Variants in PCDHGA9 observed in about 807,000 individuals in gnomAD.
The protein encoded by PCDHGA9 is protocadherin gamma-A9.
In PCDHGA9, 37 loss-of-function variants were observed where a neutral mutation model predicts 62.5. The observed-to-expected ratio is 0.59, with a 90% CI of 0.46 to 0.78. The LOEUF (loss-of-function observed/expected upper bound fraction) is 0.78, where lower values mean the gene tolerates loss of function less well. PCDHGA9 is among the 30% of genes least tolerant of loss of function. The pLI is 0.00. For synonymous variants in PCDHGA9, 459 were observed against 484.6 expected, an observed-to-expected ratio of 0.95 and a Z score of 0.69; for missense variants, 1,138 against 1,166.2, an observed-to-expected ratio of 0.98 and a Z score of 0.35.
At position 141,413,315 on chromosome 5, in the gene PCDHGA9, C is replaced by G. The variant is rs747758921; in HGVS notation, c.2424+7939C>G. The stretch of plus-strand genomic sequence containing the variant: ...ATTCCTGAGGAATTAGAGAAAGGCT[C>G]TTTCGTGGGCAACATCTCCAAGGAC... On this transcript the variant is annotated intron_variant, in intron 1 of 3. Transcript: ENST00000573521. 6 of 1,613,976 alleles carry G rather than the reference C, an allele frequency of 3.7e-6. No individual in the cohort carries two copies. The South Asian group carries it at 5.5e-5, about 15-fold the overall frequency.
intron 2 of PCDHGA9, among the ~76,000 whole-genome samples, chr5:141,500,469 A>G (rs917974103): frequency 1.3e-5 from 2 of 152,052 alleles, no homozygotes; most frequent in East Asian, 1.9e-4. Context: ...TCGGCCTCCC[A>G]AAGTGCTGGG....
chr5:141,443,588 A>T (rs1479393074), intron 1 of PCDHGA9, among the ~76,000 whole-genome samples: 3 of 152,240 alleles, frequency 2.0e-5, no homozygotes, highest in Non-Finnish European at 4.4e-5. Context: ...CTAAAACAGA[A>T]TGTGGTATAT....
Position 141,431,698 on chromosome 5 carries a change from A to ATTC in PCDHGA9, c.2424+26324_2424+26326dup. 6.2e-7 allele frequency: 1 copy of ATTC among 1,614,222 alleles called. No homozygotes were observed. Among genetic ancestry groups the ATTC allele is most frequent in the Non-Finnish European group, 8.5e-7 (1 of 1,180,036 alleles). The stretch of plus-strand genomic sequence containing the variant: ...GGGAGTTGGACCACGAGGAGTCAGG[A>ATTC]TTCTACCAGATGGAAGTGCAAGCAA... On this transcript the variant is annotated intron_variant, in intron 1 of 3. Coordinates refer to ENST00000573521, the MANE Select transcript of PCDHGA9 (RefSeq NM_018921.3). This position sits in a 1 kb window ranked among gnomAD's most constrained non-coding sequence, Gnocchi z 4.8.
chr5:141,447,681 C>T (rs2098548531), intron 1 of PCDHGA9, among the ~76,000 whole-genome samples: 1 of 152,066 alleles, frequency 6.6e-6, no homozygotes, highest in African/African-American at 2.4e-5. Flanking sequence ...TGTTCCATAT[C>T]TTGATAGAGG....
chr5:141,478,801 T>G (rs2099477985), intron 1 of PCDHGA9: 1 of 1,463,438 alleles, frequency 6.8e-7, no homozygotes, highest in African/African-American at 1.4e-5. Flanking sequence ...TCAGCACTCT[T>G]TTGCTATCAC....
In PCDHGA9 at chr5:141,491,803, C is replaced by T. The variant is rs2099730932; in HGVS notation, c.2425-3004C>T. ...CTTGCATCCACTCCTCTCCGGCCGG[C>T]TTGGTCGCTGGCTGCGCTCCACCCG... On this transcript the variant is annotated intron_variant, in intron 1 of 3. Transcript: ENST00000573521. This position sits in a 1 kb window ranked among gnomAD's most constrained non-coding sequence, Gnocchi z 6.9. 1 of 1,497,820 alleles carries T rather than the reference C, an allele frequency of 6.7e-7. No individual in the cohort carries two copies. Among genetic ancestry groups the T allele is most frequent in the Non-Finnish European group, 8.9e-7 (1 of 1,124,124 alleles). 92.8% of individuals were successfully genotyped at this position (1,497,820 alleles called of 1,614,324 possible).
At position 141,511,238 on chromosome 5, in the gene PCDHGA9, G is replaced by A; in HGVS notation, c.*65G>A. ...CAACCAGCCCAGCTTCTCCTTACCT[G>A]CACCCAGGCCTCAGAGTTTCAGGGC... On this transcript the variant is annotated 3_prime_UTR_variant, in exon 4 of 4. Coordinates refer to ENST00000573521, the MANE Select transcript of PCDHGA9 (RefSeq NM_018921.3). 6.3e-7 allele frequency: 1 copy of A among 1,589,142 alleles called. No homozygotes were observed. The highest frequency in any genetic ancestry group is 2.3e-5 in the East Asian group (1 of 43,302).
At chr5:141,428,600 C>T (rs2097150405) in intron 1 of PCDHGA9, 1 of 223,920 alleles carries the variant, frequency 4.5e-6, no homozygotes, top group African/African-American at 2.3e-5. Flanking sequence ...GCAAGCTTCA[C>T]TGAAGAGAAT....
intron 1 of PCDHGA9, among the ~76,000 whole-genome samples, chr5:141,443,726 TAC>T: frequency 6.6e-6 from 1 of 152,262 alleles, no homozygotes; most frequent in Admixed American, 6.5e-5. Flanking sequence ...AAATTCCTCA[TAC>T]ATTTCCCTAT....
intron 1 of PCDHGA9, chr5:141,442,419 T>TG (rs1214499832): frequency 1.3e-5 from 2 of 152,192 alleles, no homozygotes; most frequent in African/African-American, 4.8e-5. Context: ...AGTGAACTTC[T>TG]TTTTTGAATC....
At chr5:141,463,176 C>T (rs989201395) in intron 1 of PCDHGA9, among the ~76,000 whole-genome samples, 2 of 152,100 alleles carry the variant, frequency 1.3e-5, no homozygotes, top group African/African-American at 4.8e-5. Context: ...TATGTATGCT[C>T]AGATTATTAT....
intron 1 of PCDHGA9, 73 bp downstream of exon 1, chr5:141,405,449 T>A: frequency 6.2e-6 from 8 of 1,283,878 alleles, no homozygotes; most frequent in South Asian, 1.4e-5. Context: ...AGACAGAGTC[T>A]TACTCTGTTA....
At chr5:141,509,404 A>C (rs1248030362) in intron 3 of PCDHGA9, among the ~76,000 whole-genome samples, 3 of 152,112 alleles carry the variant, frequency 2.0e-5, no homozygotes, top group Non-Finnish European at 4.4e-5. Context: ...CAGGGCCTCC[A>C]GCAGCGAGCC....
rs3805699 is a variant in PCDHGA9 at position 141,435,743 on chromosome 5, G to A, written c.2424+30367G>A. Among the ~76,000 whole-genome samples the A allele has an allele frequency of 9.2e-5, 14 of 152,198 alleles. No homozygotes were observed. The East Asian group carries it at 2.1e-3, about 23-fold the overall frequency. ...GCTAAAGTGTATTACTCTTTGAAAA[G>A]CATTGCTTGATTTCTTTTGGTGAAT... is the stretch of plus-strand genomic sequence containing the variant. On this transcript the variant is annotated intron_variant, in intron 1 of 3. Coordinates refer to ENST00000573521, the MANE Select transcript of PCDHGA9 (RefSeq NM_018921.3).
In PCDHGA9 at chr5:141,403,007, C is replaced by T. The variant is rs774624797; in HGVS notation, c.55C>T (p.Leu19Phe). The T allele has an allele frequency of 6.2e-6, 10 of 1,613,940 alleles. No homozygotes were observed. Among genetic ancestry groups the T allele is most frequent in the Non-Finnish European group, 8.5e-6 (10 of 1,179,904 alleles). ...LRGRLVLLCS[L>F]LGMLWEARAS... ...CGGAAGATTAGTCCTGCTATGCTCG[C>T]TCCTGGGGATGCTATGGGAGGCCAG... Residue 19 changes from leucine (L) to phenylalanine (F), a missense_variant, in exon 1 of 4, where the codon CTC becomes TTC. By Grantham distance (22) the Leu-to-Phe change is conservative. Transcript: ENST00000573521.
chr5:141,464,676 T>C (rs1337677151), intron 1 of PCDHGA9, among the ~76,000 whole-genome samples: 3 of 152,176 alleles, frequency 2.0e-5, no homozygotes, highest in Non-Finnish European at 2.9e-5. Context: ...ATAATTTTAA[T>C]TAAAATTTCT....
intron 1 of PCDHGA9, chr5:141,427,265 C>T (rs767369457): frequency 6.1e-5 from 28 of 456,570 alleles, no homozygotes; most frequent in Non-Finnish European, 1.1e-4. Context: ...GCATGACCAG[C>T]GAATGTAAAA....
At chr5:141,449,630 T>A (rs1006977026) in intron 1 of PCDHGA9, among the ~76,000 whole-genome samples, 6 of 150,024 alleles carry the variant, frequency 4.0e-5, no homozygotes, top group Non-Finnish European at 8.9e-5. Flanking sequence ...TTTAAAAAGA[T>A]GTATCTATAT....
chr5:141,491,802 G>C lies in PCDHGA9; in HGVS notation c.2425-3005G>C, dbSNP rs759587995. 1 of 1,497,480 alleles carries C rather than the reference G, an allele frequency of 6.7e-7. No homozygotes were observed. The highest frequency in any genetic ancestry group is 1.3e-5 in the South Asian group (1 of 74,938). The allele number at this position is 1,497,480 out of a possible 1,614,324, so 92.8% of individuals were successfully genotyped here. A position where few individuals can be genotyped will look rare whatever the true frequency, so the allele number is the denominator to read the frequency against. On this transcript the variant is annotated intron_variant, in intron 1 of 3. Coordinates refer to ENST00000573521, the MANE Select transcript of PCDHGA9 (RefSeq NM_018921.3). The surrounding 1 kb of genome is among the most constrained non-coding windows in gnomAD (Gnocchi z 6.9). ...ACTTGCATCCACTCCTCTCCGGCCG[G>C]CTTGGTCGCTGGCTGCGCTCCACCC...
Sources: gnomAD v4.1 joint callset for allele counts (sites outside exome capture counted in the v4.1 genomes callset) on GRCh38, gnomAD v4.1.1 for gene constraint, Gnocchi (gnomAD v3.1) non-coding constraint, MANE v1.5 for transcripts, NCBI Gene and HGNC (gene_info 2026-07-23, HGNC 2026-07-21) for gene names.